Variants in ARHGAP29 observed in about 807,000 individuals in gnomAD.
ARHGAP29 encodes the protein Rho GTPase activating protein 29.
Under a neutral mutation model 122.6 loss-of-function variants are expected in ARHGAP29, and 43 were observed. The observed-to-expected ratio is 0.35, with a 90% CI of 0.27 to 0.45. The LOEUF (loss-of-function observed/expected upper bound fraction) is 0.45. Among genes scored for constraint, ARHGAP29 ranks in the 20% least tolerant of loss-of-function variants. The pLI, the probability that ARHGAP29 is intolerant of heterozygous loss-of-function variation, is 1.00. For missense variants in ARHGAP29, 1,303 were observed against 1,477.2 expected (o/e 0.88, Z 1.93); for synonymous variants, 506 against 497.1 (o/e 1.02, Z -0.24).
intron 12 of ARHGAP29, chr1:94,194,404 T>C (rs1056962373): frequency 1.3e-5 from 2 of 152,326 alleles, no homozygotes; most frequent in East Asian, 1.9e-4. Context: ...AATCCATATA[T>C]GTACTACTAC....
intron 20 of ARHGAP29, among the ~76,000 whole-genome samples, 153 bp from the exon 21 acceptor site, chr1:94,178,320 A>C (rs1274595598): frequency 2.0e-5 from 3 of 152,216 alleles, no homozygotes; most frequent in African/African-American, 7.2e-5. Context: ...TATTTGATTA[A>C]AATATTGACC....
chr1:94,195,179 C>T (rs1650376595), intron 12 of ARHGAP29: 1 of 151,948 alleles, frequency 6.6e-6, no homozygotes, highest in South Asian at 2.1e-4. Flanking sequence ...GGAAAGAGTT[C>T]TACCAAACAA....
rs113190316 is a variant in ARHGAP29 at position 94,195,594 on chromosome 1, A to C, written c.1282-5511T>G. On this transcript the variant is annotated intron_variant, in intron 12 of 22. Transcript: ENST00000260526. Reference sequence around the variant, plus strand: ...GACGGCAGCAAAAGGGAAATAGATTAAGGAAAATATCATAAGGCATAAACA... The same window carrying C: ...GACGGCAGCAAAAGGGAAATAGATTCAGGAAAATATCATAAGGCATAAACA... The C allele has an allele frequency of 1.9e-3, 294 of 152,322 alleles. 2 individuals carry two copies. The highest frequency in any genetic ancestry group is 6.8e-3 in the African/African-American group (283 of 41,586). The allele number at this position is 152,322 out of a possible 1,614,324, so 9.4% of individuals were successfully genotyped here.
chr1:94,186,501 G>A lies in ARHGAP29; in HGVS notation c.1778C>T (p.Thr593Ile), dbSNP rs368636916. 8 of 1,611,288 alleles carry A rather than the reference G, an allele frequency of 5.0e-6. No homozygotes were observed. In the African/African-American group the frequency reaches 1.1e-4, roughly 22 times the overall value. The change falls in exon 16 of 23, where the codon ACT becomes ATT. Residue 593 changes from threonine (T) to isoleucine (I), a missense_variant and splice_region_variant. By Grantham distance (89) the Thr-to-Ile change is moderately conservative. Transcript: ENST00000260526. Reference protein sequence around the residue: ...DEREPPSPSETGPNSLGTFKK... With the variant: ...DEREPPSPSEIGPNSLGTFKK... ...CTTAATTCAGGTAAATACAATACCA[G>A]TTTCTGAAGGGGAAGGTGGCTCTCT...
In ARHGAP29 at chr1:94,178,083, G is replaced by T. The variant is rs985382266; in HGVS notation, c.2565C>A (p.Pro855=). 6.2e-7 allele frequency: 1 copy of T among 1,614,032 alleles called. No individual in the cohort carries two copies. Among genetic ancestry groups the T allele is most frequent in the Non-Finnish European group, 8.5e-7 (1 of 1,180,024 alleles). Residue 855 remains proline, a synonymous_variant, in exon 21 of 23, where the codon CCC becomes CCA. Transcript: ENST00000260526. ...IFGPSLIRPR[P]TTAPITISSL... ...AGGAGATGGTGATAGGAGCAGTTGTGGGCCTTGGCCTAATGAGACTTGGTC... is the reference window on the plus strand; with the variant it reads ...AGGAGATGGTGATAGGAGCAGTTGTTGGCCTTGGCCTAATGAGACTTGGTC...
chr1:94,278,058 G>A (rs1033496237), upstream of ARHGAP29, among the ~76,000 whole-genome samples: 2 of 152,252 alleles, frequency 1.3e-5, no homozygotes, highest in African/African-American at 4.8e-5. Context: ...GCTCATGCCT[G>A]TAATTCCAGA....
the ARHGAP29 span, among the ~76,000 whole-genome samples, chr1:94,296,139 A>G: frequency 2.6e-5 from 4 of 152,266 alleles, no homozygotes; most frequent in South Asian, 4.1e-4. Flanking sequence ...AAAATAAACA[A>G]TTCATAAGTT....
intron 5 of ARHGAP29, among the ~76,000 whole-genome samples, chr1:94,208,176 G>T (rs1439182917): frequency 1.3e-5 from 2 of 152,194 alleles, no homozygotes; most frequent in East Asian, 3.9e-4. Context: ...ATGTTAACCA[G>T]GATGGTCTTG....
rs7514870 is a variant in ARHGAP29 at position 94,187,806 on chromosome 1, A to G, written c.1681+1031T>C. On this transcript the variant is annotated intron_variant, in intron 15 of 22. Coordinates refer to ENST00000260526, the MANE Select transcript of ARHGAP29 (RefSeq NM_004815.4). The stretch of plus-strand genomic sequence containing the variant: ...TGTTGTTACAAAGCTAATTACAAAT[A>G]TTGAGCTCAATATTAGGCTCACATT... Among the ~76,000 whole-genome samples the G allele has an allele frequency of 9.5e-3, 1,452 of 152,272 alleles. 19 individuals carry two copies. Among genetic ancestry groups the G allele is most frequent in the African/African-American group, 0.033 (1,380 of 41,554 alleles).
At position 94,214,179 on chromosome 1, in the gene ARHGAP29, T is replaced by C. The variant is rs61782651; in HGVS notation, c.341-4829A>G. Among the ~76,000 whole-genome samples the C allele has an allele frequency of 9.5e-3, 1,450 of 152,264 alleles. 9 individuals are homozygous for C. The highest frequency in any genetic ancestry group is 0.015 in the Non-Finnish European group (1,054 of 68,008). On this transcript the variant is annotated intron_variant, in intron 3 of 22. Coordinates refer to ENST00000260526, the MANE Select transcript of ARHGAP29 (RefSeq NM_004815.4). ...CAATTTCCTCATAAGCAAAACAGCA[T>C]ATTATTGAGAGGAATGACTGAGAAA...
At chr1:94,219,918 T>C (rs1411696) in intron 3 of ARHGAP29, among the ~76,000 whole-genome samples, 144,768 of 152,218 alleles carry the variant, frequency 0.95, 69,280 homozygotes, top group East Asian at 1. Context: ...CACTCTCCAA[T>C]TTCAATTTGT....
Position 94,179,753 on chromosome 1 carries a change from G to A in ARHGAP29, c.2452C>T (p.Leu818Phe), listed in dbSNP as rs2101357566. 3 of 1,612,534 alleles carry A rather than the reference G, an allele frequency of 1.9e-6. No individual in the cohort carries two copies. The highest frequency in any genetic ancestry group is 2.2e-5 in the South Asian group (2 of 90,926). Residue 818 changes from leucine (L) to phenylalanine (F), a missense_variant, in exon 20 of 23, where the codon CTT becomes TTT. Around this residue, in one of 3 missense-constraint regions of ARHGAP29, gnomAD observed 620 missense variants for 651.2 expected, o/e 0.95. Coordinates refer to ENST00000260526, the MANE Select transcript of ARHGAP29 (RefSeq NM_004815.4). ...TTTAGATGTACTATAAGGAAATGAA[G>A]ACTGTTAAAATTTGATGCTGGCAAT... ...RQLPASNFNS[L>F]HFLIVHLKRV...
At chr1:94,217,035 C>T (rs1416371788) in intron 3 of ARHGAP29, among the ~76,000 whole-genome samples, 2 of 152,200 alleles carry the variant, frequency 1.3e-5, no homozygotes, top group South Asian at 2.1e-4. Context: ...CAATTTCTCA[C>T]TTCTTATACA....
intron 16 of ARHGAP29, among the ~76,000 whole-genome samples, chr1:94,186,101 T>G (rs1052967148): frequency 3.3e-5 from 5 of 152,222 alleles, no homozygotes; most frequent in African/African-American, 7.2e-5. Context: ...ACAACTTCCT[T>G]GTCCTCAAGA....
chr1:94,260,729 C>T (rs1654529330), intron 1 of ARHGAP29, among the ~76,000 whole-genome samples: 1 of 152,048 alleles, frequency 6.6e-6, no homozygotes, highest in Middle Eastern at 3.4e-3. Flanking sequence ...GGCCATGAGA[C>T]AAAGAAAAAT....
chr1:94,247,625 AC>A (rs909187814), intron 1 of ARHGAP29, among the ~76,000 whole-genome samples: 12 of 151,270 alleles, frequency 7.9e-5, no homozygotes, highest in Non-Finnish European at 1.5e-4. Context: ...GGCCGCCGCC[AC>A]CGCCGAGGGC....
intron 4 of ARHGAP29, 30 bp from the exon 5 acceptor site, chr1:94,208,934 A>G (rs773498628): frequency 1.3e-6 from 2 of 1,578,262 alleles, no homozygotes; most frequent in South Asian, 2.2e-5. Context: ...AAAGAAAGAC[A>G]AGTCATTATA....
At chr1:94,237,779 G>A, upstream of ARHGAP29, 1 of 985,294 alleles carries the variant, frequency 1.0e-6, no homozygotes, top group Non-Finnish European at 1.2e-6. Context: ...CAGCATCACG[G>A]GCTGCGTCGG....
chr1:94,233,133 T>G (rs1244004486), intron 1 of ARHGAP29, among the ~76,000 whole-genome samples: 2 of 151,920 alleles, frequency 1.3e-5, no homozygotes, highest in African/African-American at 4.8e-5. Context: ...ATTTTTTTTT[T>G]GTAGAGATAC....
Sources: allele counts gnomAD v4.1 joint callset (sites outside exome capture counted in the v4.1 genomes callset), GRCh38; gene constraint gnomAD v4.1.1; regional missense constraint gnomAD v4.1.1; transcripts MANE v1.5; gene names NCBI Gene and HGNC (gene_info 2026-07-23, HGNC 2026-07-21).